Variants in MDH1 observed in about 807,000 individuals in gnomAD.
The protein encoded by MDH1 is malate dehydrogenase, cytoplasmic.
Under a neutral mutation model 38.7 loss-of-function variants are expected in MDH1, and 15 were observed. That is an observed-to-expected ratio of 0.39 (90% CI 0.26 to 0.60). The LOEUF (loss-of-function observed/expected upper bound fraction) is 0.60, where lower values mean the gene tolerates loss of function less well. MDH1 is among the 20% of genes least tolerant of loss of function. The pLI, the probability that MDH1 is intolerant of heterozygous loss-of-function variation, is 0.56. For missense variants in MDH1, 368 were observed against 405.2 expected, an observed-to-expected ratio of 0.91 and a Z score of 0.79; for synonymous variants, 144 against 143.6, an observed-to-expected ratio of 1.00 and a Z score of -0.02.
At position 63,594,455 on chromosome 2, in the gene MDH1, C is replaced by G. The variant is rs371816428; in HGVS notation, c.4-33C>G. 15 of 1,433,814 alleles carry G rather than the reference C, an allele frequency of 1.0e-5. No homozygotes were observed. In the African/African-American group the frequency reaches 1.7e-4, roughly 16 times the overall value. The allele number at this position is 1,433,814 out of a possible 1,614,324, so 88.8% of individuals were successfully genotyped here. ...TGGATATTTTTAAGGTACAGTAGTACTTAAAGATGTTAATGGGTCTTTTTC... is the reference window on the plus strand; with the variant it reads ...TGGATATTTTTAAGGTACAGTAGTAGTTAAAGATGTTAATGGGTCTTTTTC... On this transcript the variant is annotated intron_variant, in intron 1 of 8. Coordinates refer to ENST00000233114, the MANE Select transcript of MDH1 (RefSeq NM_005917.4).
chr2:63,595,539 A>G lies in MDH1; in HGVS notation c.199+20A>G. 6.9e-7 allele frequency: 1 copy of G among 1,445,518 alleles called. No homozygotes were observed. Among genetic ancestry groups the G allele is most frequent in the Non-Finnish European group, 9.7e-7 (1 of 1,026,356 alleles). 89.5% of individuals were successfully genotyped at this position (1,445,518 alleles called of 1,614,324 possible). On this transcript the variant is annotated intron_variant, in intron 3 of 8. Transcript: ENST00000233114. The stretch of plus-strand genomic sequence containing the variant: ...TGAAAGGTGGGTTGGGGAGTAGAGA[A>G]GGGATTTTATGGTATTTGATTTCTT...
chr2:63,602,878 C>G (rs1441246583), intron 5 of MDH1, among the ~76,000 whole-genome samples: 1 of 150,826 alleles, frequency 6.6e-6, no homozygotes, highest in Non-Finnish European at 1.5e-5. Flanking sequence ...TTTCCACTTA[C>G]CCCTTTTATT....
At chr2:63,600,503 A>G (rs1166459111) in intron 5 of MDH1, among the ~76,000 whole-genome samples, 1 of 152,204 alleles carries the variant, frequency 6.6e-6, no homozygotes, top group Non-Finnish European at 1.5e-5. Context: ...AGTATATTCA[A>G]TGTTTAAAAT....
rs1234159936 is a variant in MDH1 at position 63,589,516 on chromosome 2, A to G, written c.3+470A>G. The G allele has an allele frequency of 4.7e-6, 4 of 856,518 alleles. No individual in the cohort carries two copies. In the African/African-American group the frequency reaches 5.1e-5, roughly 11 times the overall value. 53.1% of individuals were successfully genotyped at this position (856,518 alleles called of 1,614,324 possible). ...AAAGGTAGTATTTACCAGGTGCTCC[A>G]GATTACGATCTGCGTTTGCAGCAGA... On this transcript the variant is annotated intron_variant, in intron 1 of 8. Transcript: ENST00000233114.
At position 63,606,891 on chromosome 2, in the gene MDH1, C is replaced by A; in HGVS notation, c.909C>A (p.Leu303=). The change falls in exon 9 of 9, where the codon CTC becomes CTA. Residue 303 remains leucine (L), a synonymous_variant. Transcript: ENST00000233114. The stretch of plus-strand genomic sequence containing the variant: ...AGACCTGGAAGTTTGTTGAAGGTCT[C>A]CCTATTAATGATTTCTCACGTGAGA... ...KNKTWKFVEG[L]PINDFSREKM... is the part of the protein sequence containing the mutation. 2 of 1,611,616 alleles carry A rather than the reference C, an allele frequency of 1.2e-6. No homozygotes were observed. The highest frequency in any genetic ancestry group is 2.2e-5 in the South Asian group (2 of 90,792).
At chr2:63,606,719 C>T (rs1024046265) in intron 8 of MDH1, 143 bp from the exon 9 acceptor site, 5 of 399,928 alleles carry the variant, frequency 1.3e-5, no homozygotes, top group South Asian at 7.6e-5. Context: ...TTAGAATTAT[C>T]TATTAATTAA....
At chr2:63,594,624 T>A in intron 2 of MDH1, 38 bp downstream of exon 2, 1 of 1,377,362 alleles carries the variant, frequency 7.3e-7, no homozygotes, top group African/African-American at 1.4e-5. Context: ...GTTATTAGAG[T>A]AAGAATATGG....
chr2:63,595,599 C>A, intron 3 of MDH1, 80 bp downstream of exon 3: 1 of 831,074 alleles, frequency 1.2e-6, no homozygotes, highest in African/African-American at 1.7e-5. Flanking sequence ...GTTAAAGGCT[C>A]TCAATTAGAA....
intron 3 of MDH1, among the ~76,000 whole-genome samples, chr2:63,596,388 G>GC (rs751368423): frequency 6.6e-6 from 1 of 152,162 alleles, no homozygotes; most frequent in Non-Finnish European, 1.5e-5. Context: ...ATACATGACT[G>GC]CCCACACTAT....
chr2:63,602,238 A>T (rs1709432386), intron 5 of MDH1, among the ~76,000 whole-genome samples: 1 of 152,032 alleles, frequency 6.6e-6, no homozygotes, highest in South Asian at 2.1e-4. Context: ...AAGACAGTTT[A>T]CTTCTTACTT....
rs75774878 is a variant in MDH1 at position 63,589,408 on chromosome 2, G to A, written c.3+362G>A. 8,407 of 1,546,638 alleles carry A rather than the reference G, an allele frequency of 5.4e-3. 39 individuals are homozygous for A. The highest frequency in any genetic ancestry group is 6.5e-3 in the Non-Finnish European group (7,436 of 1,143,392). On this transcript the variant is annotated intron_variant, in intron 1 of 8. Coordinates refer to ENST00000233114, the MANE Select transcript of MDH1 (RefSeq NM_005917.4). ...AGGTTTGCGATGGGAGGGAAAGGTT[G>A]GGTCCTAACCCCTTTTTCTCCTCAT...
rs1190964771 is a variant in MDH1, at chr2:63,607,122, T to C, written c.*135T>C. On this transcript the variant is annotated 3_prime_UTR_variant, in exon 9 of 9. Coordinates refer to ENST00000233114, the MANE Select transcript of MDH1 (RefSeq NM_005917.4). ...CACATTTTAAAGATTACGTGCTTCT[T>C]GGTACAGGTTTGTGAATGACAGTTT... 1.2e-6 allele frequency: 1 copy of C among 802,210 alleles called. No homozygotes were observed. The highest frequency in any genetic ancestry group is 1.8e-5 in the African/African-American group (1 of 56,686). The allele number at this position is 802,210 out of a possible 1,614,324, so 49.7% of individuals were successfully genotyped here.
At chr2:63,593,325 C>T in intron 1 of MDH1, 1 of 281,576 alleles carries the variant, frequency 3.6e-6, no homozygotes, top group Non-Finnish European at 7.2e-6. Flanking sequence ...AACTCCCAAC[C>T]TCAGGTGATC....
intron 8 of MDH1, among the ~76,000 whole-genome samples, chr2:63,606,527 C>T (rs1709533037): frequency 6.6e-6 from 1 of 152,194 alleles, no homozygotes; most frequent in South Asian, 2.1e-4. Context: ...AGATTCAGCT[C>T]TTCCCACTAG....
In MDH1 at chr2:63,604,295, A is replaced by G. The variant is rs533781797; in HGVS notation, c.499-401A>G. On this transcript the variant is annotated intron_variant, in intron 5 of 8. Transcript: ENST00000233114. ...AAAGTGCCTAAATACCTGATTACTCAGAAGCACTGAGAAGACATCTCCAAG... is the reference window on the plus strand; with the variant it reads ...AAAGTGCCTAAATACCTGATTACTCGGAAGCACTGAGAAGACATCTCCAAG... Among the ~76,000 whole-genome samples the G allele has an allele frequency of 1.2e-4, 19 of 152,378 alleles. No homozygotes were observed. In the South Asian group the frequency reaches 3.9e-3, roughly 32 times the overall value.
intron 4 of MDH1, 46 bp from the exon 5 acceptor site, chr2:63,599,124 G>C: frequency 6.3e-7 from 1 of 1,576,098 alleles, no homozygotes; most frequent in Non-Finnish European, 8.6e-7. Flanking sequence ...AGATTAGTTA[G>C]TAACTATATA....
chr2:63,594,714 C>T, intron 2 of MDH1, 128 bp downstream of exon 2: 1 of 674,956 alleles, frequency 1.5e-6, no homozygotes. Flanking sequence ...GTAATAGGCA[C>T]ATTGCTATAA....
intron 5 of MDH1, 174 bp downstream of exon 5, chr2:63,599,466 A>G (rs1375614808): frequency 3.5e-6 from 2 of 564,776 alleles, no homozygotes; most frequent in South Asian, 2.7e-5. Context: ...GAGTCTTTAA[A>G]TGTATTCTCT....
At chr2:63,594,438 T>G (rs199777376) in intron 1 of MDH1, 50 bp from the exon 2 acceptor site, 2 of 1,291,856 alleles carry the variant, frequency 1.5e-6, no homozygotes, top group East Asian at 2.3e-5. Context: ...CCTGGATATT[T>G]TTAAGGTACA....
Sources: gnomAD v4.1 joint callset for allele counts (sites outside exome capture counted in the v4.1 genomes callset) on GRCh38, gnomAD v4.1.1 for gene constraint, MANE v1.5 for transcripts, NCBI Gene and HGNC (gene_info 2026-07-23, HGNC 2026-07-21) for gene names.